The following CHRNA4 variants were observed in gnomAD, a reference collection of about 807,000 sequenced individuals.
The protein encoded by CHRNA4 is neuronal acetylcholine receptor subunit alpha-4.
Under a neutral mutation model 48.9 loss-of-function variants are expected in CHRNA4, and 28 were observed. The observed-to-expected ratio is 0.57, with a 90% CI of 0.42 to 0.79. CHRNA4 has a LOEUF of 0.79. Among genes scored for constraint, CHRNA4 ranks in the 30% least tolerant of loss-of-function variants. The probability of loss-of-function intolerance (pLI) is 0.00; values close to 1 mark genes in which losing one functional copy is unlikely to be tolerated. For synonymous variants in CHRNA4, 425 were observed against 402.3 expected (o/e 1.06, Z -0.68); for missense variants, 859 against 898.4 (o/e 0.96, Z 0.56).
intron 4 of CHRNA4, chr20:63,354,716 C>T: frequency 6.3e-6 from 6 of 958,130 alleles, no homozygotes; most frequent in Non-Finnish European, 5.0e-6. Context: ...CCCAGAGCGG[C>T]TTCTCTGCCC....
chr20:63,359,279 G>A, intron 2 of CHRNA4: 1 of 524,252 alleles, frequency 1.9e-6, no homozygotes, highest in South Asian at 2.0e-5. Context: ...GAAGGTGCCT[G>A]GGCTCTGTAC....
In CHRNA4 at chr20:63,343,892, G is replaced by A. The variant is rs200646082; in HGVS notation, c.*2846C>T. 3.5e-5 allele frequency: 16 copies of A among 454,160 alleles called. No homozygotes were observed. Among genetic ancestry groups the A allele is most frequent in the South Asian group, 2.5e-4 (16 of 64,480 alleles). 28.1% of individuals were successfully genotyped at this position (454,160 alleles called of 1,614,324 possible). ...ACAGCCCTGGCAAGGTGGGTTCTAG[G>A]CAAGCTGTCCACCCCCGGGAACTAA... On this transcript the variant is annotated 3_prime_UTR_variant, in exon 6 of 6. Coordinates refer to ENST00000370263, the MANE Select transcript of CHRNA4 (RefSeq NM_000744.7).
intron 1 of CHRNA4, chr20:63,359,928 T>TGTGTGTGTGC (rs1359347548): frequency 9.3e-6 from 4 of 428,168 alleles, no homozygotes; most frequent in Admixed American, 4.2e-5. Context: ...TGTGTGTGTG[T>TGTGTGTGTGC]GCCGGGCGTG....
At position 63,343,347 on chromosome 20, in the gene CHRNA4, G is replaced by C. The variant is rs201158269; in HGVS notation, c.*3391C>G. 6.6e-6 allele frequency: 3 copies of C among 452,592 alleles called. No individual in the cohort carries two copies. The highest frequency in any genetic ancestry group is 2.0e-5 in the African/African-American group (1 of 49,934). The allele number at this position is 452,592 out of a possible 1,614,324, so 28.0% of individuals were successfully genotyped here. ...GGGCTCGGCGGGCCACACGGTCGGC[G>C]GGGCTTGGTCCATGGGGCTGGCCGG... On this transcript the variant is annotated 3_prime_UTR_variant, in exon 6 of 6. Transcript: ENST00000370263.
At position 63,347,041 on chromosome 20, in the gene CHRNA4, G is replaced by C. The variant is rs988457885; in HGVS notation, c.1759-178C>G. On this transcript the variant is annotated intron_variant, in intron 5 of 5. Transcript: ENST00000370263. ...CCGAGGGGAGGAATTGGGGTGCACG[G>C]GACAGCCAGTGCTCTGCGGGGGGCA... 28 of 858,980 alleles carry C rather than the reference G, an allele frequency of 3.3e-5. No individual in the cohort carries two copies. In the East Asian group the frequency reaches 6.9e-4, roughly 21 times the overall value. The allele number at this position is 858,980 out of a possible 1,614,324, so 53.2% of individuals were successfully genotyped here. A position where few individuals can be genotyped will look rare whatever the true frequency, so the allele number is the denominator to read the frequency against.
At chr20:63,358,590 G>A (rs2145406535) in intron 2 of CHRNA4, among the ~76,000 whole-genome samples, 1 of 152,342 alleles carries the variant, frequency 6.6e-6, no homozygotes, top group East Asian at 1.9e-4. Flanking sequence ...GCGGACTTCA[G>A]TGTGGAAGAC....
intron 1 of CHRNA4, 96 bp from the exon 2 acceptor site, chr20:63,359,795 C>A: frequency 2.8e-6 from 4 of 1,444,496 alleles, no homozygotes; most frequent in East Asian, 4.9e-5. Context: ...CCCTGCCCAG[C>A]ACGTCCACTT....
rs780806887 is a variant in CHRNA4 at position 63,344,173 on chromosome 20, A to G, written c.*2565T>C. 1 of 454,132 alleles carries G rather than the reference A, an allele frequency of 2.2e-6. No homozygotes were observed. The highest frequency in any genetic ancestry group is 1.6e-5 in the South Asian group (1 of 64,478). 28.1% of individuals were successfully genotyped at this position (454,132 alleles called of 1,614,324 possible). A position where few individuals can be genotyped will look rare whatever the true frequency, so the allele number is the denominator to read the frequency against. ...GCTACGGACACACACAACAGCACGGATGAAGCTCTAAGTCATAGGATGAAG... is the reference window on the plus strand; with the variant it reads ...GCTACGGACACACACAACAGCACGGGTGAAGCTCTAAGTCATAGGATGAAG... On this transcript the variant is annotated 3_prime_UTR_variant, in exon 6 of 6. Coordinates refer to ENST00000370263, the MANE Select transcript of CHRNA4 (RefSeq NM_000744.7). This position sits in a 1 kb window ranked among gnomAD's most constrained non-coding sequence, Gnocchi z 4.5.
At chr20:63,352,234 T>C (rs1042379996) in intron 4 of CHRNA4, among the ~76,000 whole-genome samples, 1 of 152,204 alleles carries the variant, frequency 6.6e-6, no homozygotes, top group African/African-American at 2.4e-5. Context: ...GACTGTTCCC[T>C]GAGCTTCCTC....
In CHRNA4 at chr20:63,345,377, C is replaced by T; in HGVS notation, c.*1361G>A. On this transcript the variant is annotated 3_prime_UTR_variant, in exon 6 of 6. Coordinates refer to ENST00000370263, the MANE Select transcript of CHRNA4 (RefSeq NM_000744.7). This position sits in a 1 kb window ranked among gnomAD's most constrained non-coding sequence, Gnocchi z 5.4. ...CAGGGGACACGCCATCCTGGCCCCGCCCCTCTGGGCCCTTGGAATCATGGA... is the reference window on the plus strand; with the variant it reads ...CAGGGGACACGCCATCCTGGCCCCGTCCCTCTGGGCCCTTGGAATCATGGA... 2.3e-6 allele frequency: 1 copy of T among 426,006 alleles called. No homozygotes were observed. The highest frequency in any genetic ancestry group is 4.8e-6 in the Non-Finnish European group (1 of 207,786). 26.4% of individuals were successfully genotyped at this position (426,006 alleles called of 1,614,324 possible). A position where few individuals can be genotyped will look rare whatever the true frequency, so the allele number is the denominator to read the frequency against.
rs201059167 is a variant in CHRNA4, at chr20:63,345,078, C to A, written c.*1660G>T. The A allele has an allele frequency of 2.2e-6, 1 of 453,964 alleles. No individual in the cohort carries two copies. The highest frequency in any genetic ancestry group is 4.4e-6 in the Non-Finnish European group (1 of 226,764). 28.1% of individuals were successfully genotyped at this position (453,964 alleles called of 1,614,324 possible). A position where few individuals can be genotyped will look rare whatever the true frequency, so the allele number is the denominator to read the frequency against. ...AATGTGGGCCTGAGTCTCCTCCCCA[C>A]TCACGTCACTGCCCGCGGGGACACA... On this transcript the variant is annotated 3_prime_UTR_variant, in exon 6 of 6. Transcript: ENST00000370263. This position sits in a 1 kb window ranked among gnomAD's most constrained non-coding sequence, Gnocchi z 5.4.
chr20:63,359,949 A>C lies in CHRNA4; in HGVS notation c.77-250T>G, dbSNP rs45457196. 0.93 allele frequency: 438,808 copies of C among 473,320 alleles called. 205,456 individuals carry two copies. The highest frequency in any genetic ancestry group is 1 in the East Asian group (25,384 of 25,396). The allele number at this position is 473,320 out of a possible 1,614,324, so 29.3% of individuals were successfully genotyped here. On this transcript the variant is annotated intron_variant, in intron 1 of 5. Coordinates refer to ENST00000370263, the MANE Select transcript of CHRNA4 (RefSeq NM_000744.7). Reference sequence around the variant, plus strand: ...TGTGTGCCGGGCGTGGCGTGCGCTGACCTCTCTTGGCCTCCGGCTCTCTCC... The same window carrying C: ...TGTGTGCCGGGCGTGGCGTGCGCTGCCCTCTCTTGGCCTCCGGCTCTCTCC...
In CHRNA4 at chr20:63,346,700, C is replaced by T; in HGVS notation, c.*38G>A. The T allele has an allele frequency of 6.3e-7, 1 of 1,586,174 alleles. No individual in the cohort carries two copies. The highest frequency in any genetic ancestry group is 8.5e-7 in the Non-Finnish European group (1 of 1,171,296). On this transcript the variant is annotated 3_prime_UTR_variant, in exon 6 of 6. Coordinates refer to ENST00000370263, the MANE Select transcript of CHRNA4 (RefSeq NM_000744.7). Reference sequence around the variant, plus strand: ...CGGCCGCATGGATGCTGGCCCCGTGCACGGCAGCCCCAGGCCACGCAGGCT... The same window carrying T: ...CGGCCGCATGGATGCTGGCCCCGTGTACGGCAGCCCCAGGCCACGCAGGCT...
rs1379873506 is a variant in CHRNA4, at chr20:63,346,757, C to G, written c.1865G>C (p.Trp622Ser). 6.2e-7 allele frequency: 1 copy of G among 1,611,010 alleles called. No homozygotes were observed. Among genetic ancestry groups the G allele is most frequent in the Non-Finnish European group, 8.5e-7 (1 of 1,179,618 alleles). The change falls in exon 6 of 6, where the codon TGG becomes TCG. Residue 622 changes from tryptophan (W) to serine (S), a missense_variant. Physicochemically the swap from Trp to Ser is radical, Grantham distance 177. Coordinates refer to ENST00000370263, the MANE Select transcript of CHRNA4 (RefSeq NM_000744.7). ...CCCTTCCTAGATCATGCCAGCCAGC[C>G]AGGGCGGCAGGAAGAGGCCCACCGT... ...LGTVGLFLPP[W>S]LAGMI
intron 2 of CHRNA4, chr20:63,359,297 C>T (rs2068764621): frequency 1.7e-6 from 1 of 571,504 alleles, no homozygotes; most frequent in Non-Finnish European, 3.2e-6. Flanking sequence ...TACTGAGAAC[C>T]TGGCCACTTG....
Position 63,344,028 on chromosome 20 carries a change from T to G in CHRNA4, c.*2710A>C, listed in dbSNP as rs1255999785. 4.4e-6 allele frequency: 2 copies of G among 454,100 alleles called. No individual in the cohort carries two copies. The highest frequency in any genetic ancestry group is 4.7e-5 in the Admixed American group (2 of 42,578). The allele number at this position is 454,100 out of a possible 1,614,324, so 28.1% of individuals were successfully genotyped here. On this transcript the variant is annotated 3_prime_UTR_variant, in exon 6 of 6. Transcript: ENST00000370263. This position sits in a 1 kb window ranked among gnomAD's most constrained non-coding sequence, Gnocchi z 4.5. ...GCCATGCACACACCGGCACCTCCAT[T>G]CCTAATCACCGACAGCTGCAAGCAA... is the stretch of plus-strand genomic sequence containing the variant.
intron 4 of CHRNA4, chr20:63,354,545 G>T: frequency 1.1e-6 from 1 of 904,756 alleles, no homozygotes; most frequent in Non-Finnish European, 1.3e-6. Flanking sequence ...GGTGGGGGCT[G>T]CAGTCTTTGG....
In CHRNA4 at chr20:63,345,076, C is replaced by G. The variant is rs200201830; in HGVS notation, c.*1662G>C. On this transcript the variant is annotated 3_prime_UTR_variant, in exon 6 of 6. Coordinates refer to ENST00000370263, the MANE Select transcript of CHRNA4 (RefSeq NM_000744.7). This position sits in a 1 kb window ranked among gnomAD's most constrained non-coding sequence, Gnocchi z 5.4. ...GCAATGTGGGCCTGAGTCTCCTCCC[C>G]ACTCACGTCACTGCCCGCGGGGACA... The G allele has an allele frequency of 2.2e-6, 1 of 453,932 alleles. No homozygotes were observed. Among genetic ancestry groups the G allele is most frequent in the African/African-American group, 2.0e-5 (1 of 50,012 alleles). The allele number at this position is 453,932 out of a possible 1,614,324, so 28.1% of individuals were successfully genotyped here. A position where few individuals can be genotyped will look rare whatever the true frequency, so the allele number is the denominator to read the frequency against.
chr20:63,355,638 C>A, intron 4 of CHRNA4: 1 of 1,264,558 alleles, frequency 7.9e-7, no homozygotes, highest in Non-Finnish European at 1.0e-6. Context: ...CAGGAGCCAG[C>A]CCCCAGGCCT....
Sources: gnomAD v4.1 joint callset for allele counts (sites outside exome capture counted in the v4.1 genomes callset) on GRCh38, gnomAD v4.1.1 for gene constraint, Gnocchi (gnomAD v3.1) non-coding constraint, MANE v1.5 for transcripts, NCBI Gene and HGNC (gene_info 2026-07-23, HGNC 2026-07-21) for gene names.